Variants in ICA1L observed in about 807,000 individuals in gnomAD.
ICA1L encodes islet cell autoantigen 1 like.
Under a neutral mutation model 61.3 loss-of-function variants are expected in ICA1L, and 50 were observed. That is an observed-to-expected ratio of 0.82 (90% CI 0.65 to 1.03). The LOEUF is 1.03. ICA1L is among the 50% of genes least tolerant of loss of function. ICA1L has a pLI of 0.00. For synonymous variants in ICA1L, 161 were observed against 191.3 expected (o/e 0.84, Z 1.31); for missense variants, 508 against 556.7 (o/e 0.91, Z 0.88).
intron 1 of ICA1L, among the ~76,000 whole-genome samples, chr2:202,831,555 A>G (rs921891543): frequency 2.0e-5 from 3 of 152,206 alleles, no homozygotes; most frequent in Admixed American, 2.0e-4. Flanking sequence ...GTATCAGGAG[A>G]GAATACCTCT....
At chr2:202,853,869 C>T (rs1694698203) in intron 1 of ICA1L, among the ~76,000 whole-genome samples, 1 of 152,116 alleles carries the variant, frequency 6.6e-6, no homozygotes, top group Non-Finnish European at 1.5e-5. Context: ...ACCAGGCCTG[C>T]CTTACGAGAG....
intron 1 of ICA1L, chr2:202,841,179 T>C: frequency 1.5e-6 from 1 of 673,772 alleles, no homozygotes; most frequent in Non-Finnish European, 2.8e-6. Context: ...ATAAGCTTCA[T>C]CCACATACTG....
At position 202,774,655 on chromosome 2, in the gene ICA1L, G is replaced by C. The variant is rs1257552617; in HGVS notation, c.*4878C>G. ...GCAGGTGGGGAGCGGAGAGGCCTAA[G>C]ACATGGGCAGGAGCCTTTGGGTCAG... On this transcript the variant is annotated 3_prime_UTR_variant, in exon 13 of 13. Transcript: ENST00000358299. The C allele has an allele frequency of 4.5e-6, 1 of 221,400 alleles. No individual in the cohort carries two copies. Among genetic ancestry groups the C allele is most frequent in the African/African-American group, 2.3e-5 (1 of 43,394 alleles). The allele number at this position is 221,400 out of a possible 1,614,324, so 13.7% of individuals were successfully genotyped here. A position where few individuals can be genotyped will look rare whatever the true frequency, so the allele number is the denominator to read the frequency against.
At chr2:202,782,517 C>T (rs1299059523) in intron 12 of ICA1L, among the ~76,000 whole-genome samples, 2 of 151,500 alleles carry the variant, frequency 1.3e-5, no homozygotes, top group Non-Finnish European at 2.9e-5. Context: ...AAGTGATTCT[C>T]CTTGCCTCAG....
At chr2:202,837,410 A>G (rs1694184222) in intron 1 of ICA1L, among the ~76,000 whole-genome samples, 1 of 151,776 alleles carries the variant, frequency 6.6e-6, no homozygotes, top group Admixed American at 6.6e-5. Context: ...CAGCCTCCTG[A>G]GTAGCTGGGA....
chr2:202,828,735 A>T, intron 2 of ICA1L, 113 bp downstream of exon 2: 1 of 824,588 alleles, frequency 1.2e-6, no homozygotes, highest in Non-Finnish European at 2.0e-6. Context: ...ACATTCTATT[A>T]TCAAATTTGC....
intron 1 of ICA1L, among the ~76,000 whole-genome samples, chr2:202,869,333 G>T (rs1024132475): frequency 2.0e-5 from 3 of 152,076 alleles, no homozygotes; most frequent in African/African-American, 7.2e-5. Flanking sequence ...ACTCAGCCTG[G>T]GCGACAGAGC....
intron 8 of ICA1L, among the ~76,000 whole-genome samples, chr2:202,812,440 G>A (rs1693404033): frequency 6.6e-6 from 1 of 152,102 alleles, no homozygotes; most frequent in Admixed American, 6.5e-5. Context: ...AGCTGGGCAT[G>A]GTGGCATGTG....
chr2:202,859,094 G>C (rs1442053032), intron 1 of ICA1L, among the ~76,000 whole-genome samples: 1 of 152,120 alleles, frequency 6.6e-6, no homozygotes, highest in East Asian at 1.9e-4. Context: ...TCTTTTGTCT[G>C]TCTCCTTTCA....
chr2:202,836,792 T>C (rs1485526735), intron 1 of ICA1L, among the ~76,000 whole-genome samples: 1 of 141,212 alleles, frequency 7.1e-6, no homozygotes, highest in African/African-American at 2.5e-5. Context: ...AGTGTGTGTA[T>C]ATCTATATAT....
chr2:202,862,282 A>G (rs1432834903), intron 1 of ICA1L, among the ~76,000 whole-genome samples: 1 of 114,270 alleles, frequency 8.8e-6, no homozygotes, highest in African/African-American at 2.9e-5. Context: ...CAAAAAAAAA[A>G]AAAAAAAAAA....
intron 1 of ICA1L, chr2:202,844,431 A>C (rs1490088501): frequency 6.6e-6 from 1 of 152,190 alleles, no homozygotes; most frequent in Non-Finnish European, 1.5e-5. Flanking sequence ...TAAACAAATA[A>C]GGAGTAGCAG....
chr2:202,830,996 A>T (rs1030501360), intron 1 of ICA1L, among the ~76,000 whole-genome samples: 6 of 152,224 alleles, frequency 3.9e-5, no homozygotes, highest in African/African-American at 1.4e-4. Flanking sequence ...ATAAAAATAA[A>T]GATATGAGTT....
Position 202,828,895 on chromosome 2 carries a change from C to T in ICA1L, c.115G>A (p.Asp39Asn), listed in dbSNP as rs752724031. The T allele has an allele frequency of 3.7e-6, 6 of 1,613,852 alleles. No homozygotes were observed. In the Admixed American group the frequency reaches 8.3e-5, roughly 22 times the overall value. Residue 39 changes from aspartate to asparagine, a missense_variant, in exon 2 of 13, where the codon GAT becomes AAT. Physicochemically the swap from Asp to Asn is conservative, Grantham distance 23 (BLOSUM62 1). Coordinates refer to ENST00000358299, the MANE Select transcript of ICA1L (RefSeq NM_001288622.3). ...VFIKATGKKEDEHLVASDAEL... is the reference protein window; with the variant it reads ...VFIKATGKKENEHLVASDAEL... ...GCATCAGACGCCACCAAGTGCTCAT[C>T]CTCTTTTTTTCCTGTTGCTTTGATA...
intron 10 of ICA1L, among the ~76,000 whole-genome samples, chr2:202,795,617 C>A (rs943088401): frequency 2.0e-5 from 3 of 151,890 alleles, no homozygotes; most frequent in Non-Finnish European, 4.4e-5. Context: ...AAAAAAACAA[C>A]TATGTGGCAC....
chr2:202,798,524 A>G (rs1693000698), intron 9 of ICA1L, among the ~76,000 whole-genome samples: 1 of 152,206 alleles, frequency 6.6e-6, no homozygotes, highest in African/African-American at 2.4e-5. Flanking sequence ...AACAGGTGTG[A>G]GCCACCATAC....
chr2:202,797,897 T>A (rs574001230), intron 9 of ICA1L, among the ~76,000 whole-genome samples: 12 of 152,302 alleles, frequency 7.9e-5, no homozygotes, highest in African/African-American at 2.6e-4. Context: ...TTGAACTTAC[T>A]CCTCCCGGTC....
intron 10 of ICA1L, among the ~76,000 whole-genome samples, chr2:202,789,553 T>C (rs1206668816): frequency 6.6e-6 from 1 of 152,188 alleles, no homozygotes; most frequent in Non-Finnish European, 1.5e-5. Flanking sequence ...AAGTTGATTA[T>C]ACTAAGGCAC....
intron 1 of ICA1L, among the ~76,000 whole-genome samples, chr2:202,842,796 T>C (rs1694367416): frequency 6.6e-6 from 1 of 152,200 alleles, no homozygotes; most frequent in African/African-American, 2.4e-5. Flanking sequence ...TATTTGCTCT[T>C]TTGAGAAAAT....
Sources: allele counts gnomAD v4.1 joint callset (sites outside exome capture counted in the v4.1 genomes callset), GRCh38; gene constraint gnomAD v4.1.1; transcripts MANE v1.5; gene names NCBI Gene and HGNC (gene_info 2026-07-23, HGNC 2026-07-21).